Variants in CNTLN observed in about 807,000 individuals in gnomAD.
CNTLN encodes the protein centlein.
Under a neutral mutation model 180.0 loss-of-function variants are expected in CNTLN, and 212 were observed. That is an observed-to-expected ratio of 1.18 (90% CI 1.05 to 1.32). CNTLN has a LOEUF of 1.32. CNTLN is among the 40% of genes most tolerant of loss of function. The probability of loss-of-function intolerance (pLI) is 0.00; values close to 1 mark genes in which losing one functional copy is unlikely to be tolerated. For missense variants in CNTLN, 2,095 were observed against 1,610.9 expected (o/e 1.30, Z -5.14); for synonymous variants, 722 against 563.1 (o/e 1.28, Z -3.99).
the CNTLN span, among the ~76,000 whole-genome samples, chr9:17,513,413 A>C: frequency 6.6e-6 from 1 of 152,164 alleles, no homozygotes; most frequent in Non-Finnish European, 1.5e-5. Context: ...ATAAAATATC[A>C]TGCTGGGTGC....
chr9:17,196,747 G>A lies in CNTLN; in HGVS notation c.450-29456G>A, dbSNP rs185354278. 4.8e-3 allele frequency among the ~76,000 whole-genome samples: 728 copies of A among 151,812 alleles called. 5 individuals are homozygous for A. The highest frequency in any genetic ancestry group is 7.0e-3 in the Admixed American group (107 of 15,228). On this transcript the variant is annotated intron_variant, in intron 2 of 25. Transcript: ENST00000380647. ...ATTTATGTGGGTACATAGTAGGTCT[G>A]TTTATCTATGGAGTATATGAGAGAT...
the CNTLN span, among the ~76,000 whole-genome samples, chr9:17,519,752 C>A: frequency 1.3e-5 from 2 of 152,196 alleles, no homozygotes; most frequent in Non-Finnish European, 2.9e-5. Context: ...CACATCCACT[C>A]CTTAAGTAAT....
In CNTLN at chr9:17,334,170, C is replaced by T. The variant is rs1820831545; in HGVS notation, c.1644+1440C>T. Reference sequence around the variant, plus strand: ...TGCCTCCCAGGTTCGAGCTATTCTTCTGTCTCAGCCCCCCGAGTAGCTGGG... The same window carrying T: ...TGCCTCCCAGGTTCGAGCTATTCTTTTGTCTCAGCCCCCCGAGTAGCTGGG... On this transcript the variant is annotated intron_variant, in intron 10 of 25. Coordinates refer to ENST00000380647, the MANE Select transcript of CNTLN (RefSeq NM_017738.4). Among the ~76,000 whole-genome samples the T allele has an allele frequency of 2.0e-5, 3 of 152,126 alleles. No homozygotes were observed. In the South Asian group the frequency reaches 6.2e-4, roughly 31 times the overall value.
intron 15 of CNTLN, among the ~76,000 whole-genome samples, chr9:17,399,070 A>G (rs553340784): frequency 6.6e-6 from 1 of 152,176 alleles, no homozygotes; most frequent in Non-Finnish European, 1.5e-5. Flanking sequence ...TTGCCTTCCT[A>G]CAATTTGCTG....
At chr9:17,382,427 A>T (rs1183594652) in intron 13 of CNTLN, among the ~76,000 whole-genome samples, 2 of 152,200 alleles carry the variant, frequency 1.3e-5, no homozygotes, top group East Asian at 1.9e-4. Flanking sequence ...AATCAAGGGA[A>T]CATCTTGGGA....
intron 7 of CNTLN, among the ~76,000 whole-genome samples, chr9:17,305,481 A>G (rs1759465): frequency 6.6e-6 from 1 of 151,818 alleles, no homozygotes; most frequent in African/African-American, 2.4e-5. Context: ...ATGCAGATGA[A>G]TGAATTTATC....
chr9:17,380,716 C>T (rs1481352761), intron 13 of CNTLN, among the ~76,000 whole-genome samples: 5 of 152,258 alleles, frequency 3.3e-5, no homozygotes, highest in East Asian at 1.9e-4. Context: ...TTACCATGTT[C>T]GTCATTGAAA....
chr9:17,388,127 C>T (rs2274916), intron 13 of CNTLN, 35 bp from the exon 14 acceptor site: 130,078 of 1,361,692 alleles, frequency 0.096, 7,060 homozygotes, highest in East Asian at 0.19. Context: ...CAGCAGTACA[C>T]GTGGTATCAT....
At chr9:17,161,134 G>T (rs571470664) in intron 2 of CNTLN, among the ~76,000 whole-genome samples, 28 of 152,120 alleles carry the variant, frequency 1.8e-4, no homozygotes, top group South Asian at 2.1e-4. Flanking sequence ...AGAAGTTTAT[G>T]TTGTTGAAAG....
intron 13 of CNTLN, among the ~76,000 whole-genome samples, chr9:17,373,250 A>G (rs548408915): frequency 1.3e-5 from 2 of 152,294 alleles, no homozygotes; most frequent in East Asian, 3.9e-4. Context: ...TAAAAAAACT[A>G]TTAGAAAGGA....
At chr9:17,262,409 G>A (rs1037672586) in intron 5 of CNTLN, among the ~76,000 whole-genome samples, 6 of 151,516 alleles carry the variant, frequency 4.0e-5, no homozygotes, top group African/African-American at 1.5e-4. Flanking sequence ...AAGAGAATGA[G>A]TTCACATCCT....
intron 12 of CNTLN, among the ~76,000 whole-genome samples, chr9:17,363,500 T>C (rs954153087): frequency 6.8e-6 from 1 of 147,720 alleles, no homozygotes. Context: ...TTTGATACAG[T>C]TTTTTTTTTC....
At chr9:17,143,417 T>A in intron 2 of CNTLN, 41 bp downstream of exon 2, 1 of 1,423,180 alleles carries the variant, frequency 7.0e-7, no homozygotes, top group Non-Finnish European at 9.9e-7. Flanking sequence ...TTTGGTGTGT[T>A]GAGTTTGTTT....
chr9:17,259,961 G>A (rs1258415682), intron 5 of CNTLN, among the ~76,000 whole-genome samples: 3 of 137,122 alleles, frequency 2.2e-5, no homozygotes, highest in South Asian at 5.1e-4. Flanking sequence ...AGGGTTTTTT[G>A]TGTCTCTATT....
chr9:17,171,109 C>T (rs1199796912), intron 2 of CNTLN, among the ~76,000 whole-genome samples: 1 of 152,176 alleles, frequency 6.6e-6, no homozygotes, highest in Non-Finnish European at 1.5e-5. Flanking sequence ...TTAAGTTACA[C>T]GTGACTGTAT....
chr9:17,166,748 C>A, intron 2 of CNTLN: 2 of 263,082 alleles, frequency 7.6e-6, no homozygotes, highest in Non-Finnish European at 7.9e-6. Flanking sequence ...AGATATTAAT[C>A]AAGTTTAAAG....
chr9:17,198,900 G>C (rs1476798938), intron 2 of CNTLN, among the ~76,000 whole-genome samples: 1 of 152,058 alleles, frequency 6.6e-6, no homozygotes, highest in South Asian at 2.1e-4. Flanking sequence ...TGGTGTATAT[G>C]TGCCACATTT....
chr9:17,144,875 C>T (rs951372038), intron 2 of CNTLN, among the ~76,000 whole-genome samples: 4 of 148,398 alleles, frequency 2.7e-5, no homozygotes, highest in Non-Finnish European at 3.0e-5. Flanking sequence ...CGCTCTGTCG[C>T]CCAGGCCAGA....
At chr9:17,424,083 T>C (rs1215733118) in intron 18 of CNTLN, among the ~76,000 whole-genome samples, 1 of 152,174 alleles carries the variant, frequency 6.6e-6, no homozygotes, top group East Asian at 1.9e-4. Context: ...GGAGTTCTGT[T>C]TGGCCATTTT....
Sources: allele counts gnomAD v4.1 joint callset (sites outside exome capture counted in the v4.1 genomes callset), GRCh38; gene constraint gnomAD v4.1.1; transcripts MANE v1.5; gene names NCBI Gene and HGNC (gene_info 2026-07-23, HGNC 2026-07-21).